Variants in SLC25A6 observed in about 807,000 individuals in gnomAD.
SLC25A6 encodes ADP/ATP translocase 3.
Under a neutral mutation model 25.7 loss-of-function variants are expected in SLC25A6, and 9 were observed. That is an observed-to-expected ratio of 0.35 (90% CI 0.21 to 0.61). The LOEUF (loss-of-function observed/expected upper bound fraction) is 0.61, where lower values mean the gene tolerates loss of function less well. Among genes scored for constraint, SLC25A6 ranks in the 20% least tolerant of loss-of-function variants. The pLI is 0.76. For synonymous variants in SLC25A6, 223 were observed against 197.0 expected (o/e 1.13, Z -1.11); for missense variants, 404 against 440.5 (o/e 0.92, Z 0.74).
chrX:1,386,884 C>T (rs2089332314), intron 3 of SLC25A6, 125 bp from the exon 4 acceptor site: 9 of 1,189,740 alleles, frequency 7.6e-6, no homozygotes, highest in African/African-American at 3.1e-5. Flanking sequence ...GTTCTGATTA[C>T]AGGAGGGATA....
chrX:1,387,973 GA>G (rs1286101832), intron 2 of SLC25A6, among the ~76,000 whole-genome samples: 11 of 151,924 alleles, frequency 7.2e-5, no homozygotes, highest in African/African-American at 2.7e-4. Context: ...AGAGGCCTCA[GA>G]AGGAACCAGC....
rs763467880 is a variant in SLC25A6 at position 1,387,135 on chromosome X, A to G, written c.739+144T>C. On this transcript the variant is annotated intron_variant, in intron 3 of 3. Coordinates refer to ENST00000381401, the MANE Select transcript of SLC25A6 (RefSeq NM_001636.4). ...CCATCGTTCAGGAAAATCCTTCCAC[A>G]CAGCCAGGTTACTTTCGGACACACT... is the stretch of plus-strand genomic sequence containing the variant. 12 of 1,048,296 alleles carry G rather than the reference A, an allele frequency of 1.1e-5. No individual in the cohort carries two copies. The East Asian group carries it at 1.7e-4, about 15-fold the overall frequency. 64.9% of individuals were successfully genotyped at this position (1,048,296 alleles called of 1,614,324 possible).
At chrX:1,388,686 G>A (rs181697080) in intron 2 of SLC25A6, among the ~76,000 whole-genome samples, 328 of 140,790 alleles carry the variant, frequency 2.3e-3, no homozygotes, top group Admixed American at 7.4e-3. Flanking sequence ...CCATGCCTTG[G>A]TCTCAGACCT....
At chrX:1,391,802 C>A in intron 1 of SLC25A6, 97 bp downstream of exon 1, 1 of 913,518 alleles carries the variant, frequency 1.1e-6, no homozygotes, top group South Asian at 1.6e-5. Flanking sequence ...CCACTTCCGG[C>A]GCCCGCCTGC....
At chrX:1,389,758 C>T (rs780194745) in intron 1 of SLC25A6, 31 bp from the exon 2 acceptor site, 2 of 1,601,702 alleles carry the variant, frequency 1.2e-6, no homozygotes, top group South Asian at 2.2e-5. Context: ...TCAGACCAGA[C>T]CCAGGGCCAA....
chrX:1,387,079 C>T (rs1299983320), intron 3 of SLC25A6, among the ~76,000 whole-genome samples, 200 bp downstream of exon 3: 27 of 152,172 alleles, frequency 1.8e-4, no homozygotes, highest in Middle Eastern at 6.8e-3. Flanking sequence ...AACTGCCGCC[C>T]GGACCATGAA....
Position 1,386,655 on chromosome X carries a change from T to C in SLC25A6, c.844A>G (p.Met282Val). 1 of 1,605,798 alleles carries C rather than the reference T, an allele frequency of 6.2e-7. No homozygotes were observed. The highest frequency in any genetic ancestry group is 8.5e-7 in the Non-Finnish European group (1 of 1,176,006). Residue 282 changes from methionine (M) to valine (V), a missense_variant, in exon 4 of 4, where the codon ATG (methionine) becomes GTG (valine). Physicochemically the swap from Met to Val is conservative, Grantham distance 21 (BLOSUM62 1). Coordinates refer to ENST00000381401, the MANE Select transcript of SLC25A6 (RefSeq NM_001636.4). Reference sequence around the variant, plus strand: ...AGGACCAGCACGAAGGCGCCCCCCATGCCCCGCAGGACGTTGGACCACGCA... The same window carrying C: ...AGGACCAGCACGAAGGCGCCCCCCACGCCCCGCAGGACGTTGGACCACGCA... ...KGAWSNVLRGMGGAFVLVLYD... is the reference protein window; with the variant it reads ...KGAWSNVLRGVGGAFVLVLYD...
intron 2 of SLC25A6, among the ~76,000 whole-genome samples, chrX:1,388,608 C>A (rs1471056479): frequency 3.4e-5 from 5 of 147,668 alleles, no homozygotes; most frequent in African/African-American, 1.3e-4. Flanking sequence ...GACACACACA[C>A]AGGAAAAAGC....
At chrX:1,391,772 G>C (rs1236508466) in intron 1 of SLC25A6, 127 bp downstream of exon 1, 4 of 686,542 alleles carry the variant, frequency 5.8e-6, no homozygotes, top group Non-Finnish European at 7.2e-6. Context: ...GCGGCGCGTG[G>C]ACAAAGCGAT....
Position 1,387,271 on chromosome X carries a change from C to G in SLC25A6, c.739+8G>C. ...CCGGCAGCAAGGGTCCCCCGCCCCC[C>G]CGAGTACCTCCTTTGCGCCCGGACT... On this transcript the variant is annotated splice_region_variant and intron_variant, in intron 3 of 3. Coordinates refer to ENST00000381401, the MANE Select transcript of SLC25A6 (RefSeq NM_001636.4). 1 of 1,610,814 alleles carries G rather than the reference C, an allele frequency of 6.2e-7. No homozygotes were observed. Among genetic ancestry groups the G allele is most frequent in the Non-Finnish European group, 8.5e-7 (1 of 1,178,488 alleles).
At chrX:1,386,845 G>T in intron 3 of SLC25A6, 86 bp from the exon 4 acceptor site, 1 of 1,461,294 alleles carries the variant, frequency 6.8e-7, no homozygotes, top group Non-Finnish European at 9.3e-7. Context: ...ACGTTTCACA[G>T]AAATAACACC....
At chrX:1,389,947 A>G (rs2089379969) in intron 1 of SLC25A6, among the ~76,000 whole-genome samples, 1 of 151,762 alleles carries the variant, frequency 6.6e-6, no homozygotes, top group African/African-American at 2.4e-5. Context: ...TTTAGTAGAG[A>G]CGAGCGTTCC....
At chrX:1,387,512 T>G in intron 2 of SLC25A6, 93 bp from the exon 3 acceptor site, 1 of 1,543,352 alleles carries the variant, frequency 6.5e-7, no homozygotes. Context: ...CCCCCTGAGG[T>G]GGTGCCGAGC....
rs1488708790 is a variant in SLC25A6, at chrX:1,389,257, C to T, written c.582G>A (p.Val194=). 2 of 1,613,260 alleles carry T rather than the reference C, an allele frequency of 1.2e-6. No individual in the cohort carries two copies. The highest frequency in any genetic ancestry group is 1.7e-6 in the Non-Finnish European group (2 of 1,179,400). The change falls in exon 2 of 4, where the codon GTG becomes GTA. Residue 194 remains valine, a synonymous_variant. Transcript: ENST00000381401. ...IIIYRAAYFG[V]YDTAKGMLPD... is the part of the protein sequence containing the mutation. ...CACACGTACCCTTGGCCGTATCGTA[C>T]ACGCCGAAGTAGGCCGCCCGGTAGA...
rs376373683 is a variant in SLC25A6, at chrX:1,386,529, G to A, written c.*73C>T. 7.9e-6 allele frequency: 11 copies of A among 1,388,718 alleles called. No individual in the cohort carries two copies. The highest frequency in any genetic ancestry group is 7.5e-5 in the African/African-American group (5 of 66,756). The allele number at this position is 1,388,718 out of a possible 1,614,324, so 86.0% of individuals were successfully genotyped here. On this transcript the variant is annotated 3_prime_UTR_variant, in exon 4 of 4. Transcript: ENST00000381401. Reference sequence around the variant, plus strand: ...GGAATTTCTCGAAGGTTGATGGTCCGCACGGTTGAGGATTCTACGTGGTTC... The same window carrying A: ...GGAATTTCTCGAAGGTTGATGGTCCACACGGTTGAGGATTCTACGTGGTTC...
Position 1,389,662 on chromosome X carries a change from G to T in SLC25A6, c.177C>A (p.Val59=). The change falls in exon 2 of 4, where the codon GTC becomes GTA. Residue 59 remains valine, a synonymous_variant. Coordinates refer to ENST00000381401, the MANE Select transcript of SLC25A6 (RefSeq NM_001636.4). Reference sequence around the variant, plus strand: ...GCACGCCCTGCTCCTTGGGGATGCGGACAATGCAGTCCACGATGCCCTTGT... The same window carrying T: ...GCACGCCCTGCTCCTTGGGGATGCGTACAATGCAGTCCACGATGCCCTTGT... ...KQYKGIVDCI[V]RIPKEQGVLS... is the part of the protein sequence containing the mutation. 6.2e-7 allele frequency: 1 copy of T among 1,613,944 alleles called. No individual in the cohort carries two copies. The highest frequency in any genetic ancestry group is 8.5e-7 in the Non-Finnish European group (1 of 1,179,960).
chrX:1,392,073 G>A lies in SLC25A6; in HGVS notation c.-64C>T, dbSNP rs2089422478. 2.4e-6 allele frequency: 3 copies of A among 1,238,572 alleles called. No individual in the cohort carries two copies. The highest frequency in any genetic ancestry group is 2.0e-5 in the Admixed American group (1 of 50,270). The allele number at this position is 1,238,572 out of a possible 1,614,324, so 76.7% of individuals were successfully genotyped here. A position where few individuals can be genotyped will look rare whatever the true frequency, so the allele number is the denominator to read the frequency against. On this transcript the variant is annotated 5_prime_UTR_variant, in exon 1 of 4. Coordinates refer to ENST00000381401, the MANE Select transcript of SLC25A6 (RefSeq NM_001636.4). ...GAACGGGCGCGGAGAGTGAATGGAG[G>A]GCGTCGCTGGCTCAGCCCTGCCGCC...
At chrX:1,390,479 G>A (rs1163508546) in intron 1 of SLC25A6, among the ~76,000 whole-genome samples, 1 of 151,998 alleles carries the variant, frequency 6.6e-6, no homozygotes, top group Non-Finnish European at 1.5e-5. Flanking sequence ...TGCTAGGGAG[G>A]CTGAGGCAGA....
rs1319990442 is a variant in SLC25A6, at chrX:1,386,778, A to G, written c.740-19T>C. 6.3e-7 allele frequency: 1 copy of G among 1,596,918 alleles called. No individual in the cohort carries two copies. The highest frequency in any genetic ancestry group is 8.5e-7 in the Non-Finnish European group (1 of 1,172,698). ...ATGTCAGCTGCAACGACAGGGAGAC[A>G]GTGAGGGCCTCGCCGCCAAGCTCTT... On this transcript the variant is annotated intron_variant, in intron 3 of 3. Coordinates refer to ENST00000381401, the MANE Select transcript of SLC25A6 (RefSeq NM_001636.4).
Sources: gnomAD v4.1 joint callset for allele counts (sites outside exome capture counted in the v4.1 genomes callset) on GRCh38, gnomAD v4.1.1 for gene constraint, MANE v1.5 for transcripts, NCBI Gene and HGNC (gene_info 2026-07-23, HGNC 2026-07-21) for gene names.